The following DGKI variants were observed in gnomAD, a reference collection of about 807,000 sequenced individuals.
DGKI encodes the protein diacylglycerol kinase iota.
In DGKI, 55 loss-of-function variants were observed where a neutral mutation model predicts 147.5. That is an observed-to-expected ratio of 0.37 (90% CI 0.30 to 0.47). DGKI has a LOEUF of 0.47. Ranked by LOEUF, DGKI falls within the 20% of genes least tolerant of loss-of-function variation. The probability of loss-of-function intolerance (pLI) is 1.00; values close to 1 mark genes in which losing one functional copy is unlikely to be tolerated. For missense variants in DGKI, 1,007 were observed against 1,323.8 expected, an observed-to-expected ratio of 0.76 and a Z score of 3.71; for synonymous variants, 469 against 477.1, an observed-to-expected ratio of 0.98 and a Z score of 0.22.
At chr7:137,423,509 T>C (rs1329475062) in intron 28 of DGKI, among the ~76,000 whole-genome samples, 1 of 152,170 alleles carries the variant, frequency 6.6e-6, no homozygotes, top group Non-Finnish European at 1.5e-5. Flanking sequence ...TCAAGACTGT[T>C]TGGAAAATGA....
intron 19 of DGKI, among the ~76,000 whole-genome samples, chr7:137,554,210 A>C (rs1818144685): frequency 6.6e-6 from 1 of 152,230 alleles, no homozygotes; most frequent in Non-Finnish European, 1.5e-5. Context: ...GGTCACATTA[A>C]ATTATTTTTG....
chr7:137,811,901 A>G (rs947808657), intron 1 of DGKI, among the ~76,000 whole-genome samples: 3 of 152,176 alleles, frequency 2.0e-5, no homozygotes, highest in Admixed American at 2.0e-4. Context: ...AGAATTTCTA[A>G]TTGCCCCAGC....
intron 1 of DGKI, among the ~76,000 whole-genome samples, chr7:137,773,567 A>G (rs1242175508): frequency 6.6e-6 from 1 of 152,212 alleles, no homozygotes; most frequent in Admixed American, 6.5e-5. Context: ...ATAGGCAGCT[A>G]TTGGTAAAGA....
chr7:137,657,075 T>A (rs112883325), intron 3 of DGKI, among the ~76,000 whole-genome samples: 14 of 152,242 alleles, frequency 9.2e-5, no homozygotes, highest in Admixed American at 3.9e-4. Flanking sequence ...TACTTCGGTT[T>A]CTGCCCAAAT....
chr7:137,641,751 T>C (rs922730747), intron 6 of DGKI, among the ~76,000 whole-genome samples: 1 of 152,256 alleles, frequency 6.6e-6, no homozygotes, highest in African/African-American at 2.4e-5. Flanking sequence ...GAATTGATGT[T>C]GGAAATTTTT....
At chr7:137,730,301 A>C (rs1419925611) in intron 1 of DGKI, among the ~76,000 whole-genome samples, 1 of 152,008 alleles carries the variant, frequency 6.6e-6, no homozygotes, top group Non-Finnish European at 1.5e-5. Flanking sequence ...CTGGGATTTT[A>C]CGTTTTGGTT....
At chr7:137,429,844 C>G (rs1812988017) in intron 28 of DGKI, among the ~76,000 whole-genome samples, 1 of 125,142 alleles carries the variant, frequency 8.0e-6, no homozygotes. Flanking sequence ...CAAATCAAAA[C>G]CACAATGAGA....
chr7:137,416,544 T>G (rs896669095), intron 28 of DGKI, among the ~76,000 whole-genome samples: 5 of 152,004 alleles, frequency 3.3e-5, no homozygotes, highest in Admixed American at 2.0e-4. Context: ...CTCCAAGGAG[T>G]GAGTCTGACA....
chr7:137,693,149 C>T (rs1412985595), intron 1 of DGKI, among the ~76,000 whole-genome samples: 1 of 151,982 alleles, frequency 6.6e-6, no homozygotes, highest in African/African-American at 2.4e-5. Flanking sequence ...ATTTATCTTG[C>T]TGGTAGATGA....
chr7:137,716,942 A>G (rs2116593848), intron 1 of DGKI, among the ~76,000 whole-genome samples: 1 of 152,278 alleles, frequency 6.6e-6, no homozygotes. Flanking sequence ...CTTGATATCA[A>G]CATCCTTTTA....
chr7:137,697,766 T>C (rs1823840627), intron 1 of DGKI, among the ~76,000 whole-genome samples: 1 of 152,108 alleles, frequency 6.6e-6, no homozygotes, highest in Admixed American at 6.5e-5. Flanking sequence ...GATTCTGCTT[T>C]TATTGGAGGA....
chr7:137,599,123 C>G lies in DGKI; in HGVS notation c.1250+700G>C, dbSNP rs893023156. 3.9e-5 allele frequency among the ~76,000 whole-genome samples: 6 copies of G among 152,044 alleles called. 1 individual carries two copies. Among genetic ancestry groups the G allele is most frequent in the Admixed American group, 3.3e-4 (5 of 15,264 alleles). ...ATTTATCAGATAACATCTGAACTATCCTAGTACATGAATTTAAAACGGAGA... is the reference window on the plus strand; with the variant it reads ...ATTTATCAGATAACATCTGAACTATGCTAGTACATGAATTTAAAACGGAGA... On this transcript the variant is annotated intron_variant, in intron 11 of 32. Transcript: ENST00000614521.
At position 137,624,886 on chromosome 7, in the gene DGKI, G is replaced by A. The variant is rs548270251; in HGVS notation, c.805-1332C>T. Among the ~76,000 whole-genome samples the A allele has an allele frequency of 9.1e-4, 138 of 152,218 alleles. 1 individual carries two copies. The highest frequency in any genetic ancestry group is 3.0e-3 in the African/African-American group (125 of 41,536). ...CTCCCAAAGTGCTAGGATTATAGGCGTGAGCCATCTCGCCCGGCCTTCTCT... is the reference window on the plus strand; with the variant it reads ...CTCCCAAAGTGCTAGGATTATAGGCATGAGCCATCTCGCCCGGCCTTCTCT... On this transcript the variant is annotated intron_variant, in intron 6 of 32. Coordinates refer to ENST00000614521, the MANE Select transcript of DGKI (RefSeq NM_001321708.2).
chr7:137,400,798 A>C (rs1811724892), intron 30 of DGKI, among the ~76,000 whole-genome samples: 1 of 152,212 alleles, frequency 6.6e-6, no homozygotes, highest in South Asian at 2.1e-4. Context: ...CTCTGAAATA[A>C]TCAATTTAAT....
intron 1 of DGKI, among the ~76,000 whole-genome samples, chr7:137,799,057 A>G (rs1157198920): frequency 6.6e-6 from 1 of 152,168 alleles, no homozygotes; most frequent in East Asian, 1.9e-4. Flanking sequence ...CCAACATCAC[A>G]CTTAATAGTA....
chr7:137,678,326 C>T (rs1281490600), intron 3 of DGKI, among the ~76,000 whole-genome samples: 7 of 152,204 alleles, frequency 4.6e-5, no homozygotes, highest in Admixed American at 6.5e-5. Context: ...TAAAGTAACA[C>T]ATGACACCAA....
chr7:137,831,982 A>G (rs1188908402), intron 1 of DGKI, among the ~76,000 whole-genome samples: 2 of 152,226 alleles, frequency 1.3e-5, no homozygotes, highest in Non-Finnish European at 2.9e-5. Flanking sequence ...CAAATCTTAA[A>G]GCTTAAAATG....
chr7:137,560,568 C>A (rs961850541), intron 19 of DGKI, among the ~76,000 whole-genome samples: 1 of 148,566 alleles, frequency 6.7e-6, no homozygotes, highest in Non-Finnish European at 1.5e-5. Flanking sequence ...ACCACACAAA[C>A]CTCATGGAGC....
At chr7:137,761,879 C>G (rs371231611) in intron 1 of DGKI, among the ~76,000 whole-genome samples, 4 of 152,216 alleles carry the variant, frequency 2.6e-5, no homozygotes, top group African/African-American at 7.2e-5. Context: ...TCAACTTGAC[C>G]GAAGCAAGAT....
Sources: gnomAD v4.1 joint callset for allele counts (sites outside exome capture counted in the v4.1 genomes callset) on GRCh38, gnomAD v4.1.1 for gene constraint, MANE v1.5 for transcripts, NCBI Gene and HGNC (gene_info 2026-07-23, HGNC 2026-07-21) for gene names.